The following RMDN1 variants were observed in gnomAD, a reference collection of about 807,000 sequenced individuals.
The protein encoded by RMDN1 is regulator of microtubule dynamics protein 1.
In RMDN1, 48 loss-of-function variants were observed where a neutral mutation model predicts 48.9. That is an observed-to-expected ratio of 0.98 (90% CI 0.78 to 1.25). The LOEUF (loss-of-function observed/expected upper bound fraction) is 1.25. Among genes scored for constraint, RMDN1 ranks in the 50% most tolerant of loss-of-function variants. The pLI, the probability that RMDN1 is intolerant of heterozygous loss-of-function variation, is 0.00. For missense variants in RMDN1, 418 were observed against 373.4 expected, an observed-to-expected ratio of 1.12 and a Z score of -0.98; for synonymous variants, 148 against 132.6, an observed-to-expected ratio of 1.12 and a Z score of -0.80.
rs1812928997 is a variant in RMDN1 at position 86,473,921 on chromosome 8, A to C, written c.*387T>G. ...CACCACACCTTCTCTTCAAGATTTC[A>C]ACTTAGAATCAATCCAATTTGAAAA... On this transcript the variant is annotated 3_prime_UTR_variant, in exon 10 of 10. Transcript: ENST00000406452. The C allele has an allele frequency of 1.0e-6, 1 of 1,004,400 alleles. No individual in the cohort carries two copies. The highest frequency in any genetic ancestry group is 1.2e-6 in the Non-Finnish European group (1 of 842,354). The allele number at this position is 1,004,400 out of a possible 1,614,324, so 62.2% of individuals were successfully genotyped here. A position where few individuals can be genotyped will look rare whatever the true frequency, so the allele number is the denominator to read the frequency against.
In RMDN1 at chr8:86,474,926, A is replaced by G. The variant is rs779137445; in HGVS notation, c.788T>C (p.Leu263Ser). The part of the protein sequence containing the change: ...QVDPNFYSKN[L>S]LLLGKTYLKL... ...CAAGTATGTCTTTCCTAAAAGAAGTAAGTTTTTGCTGTAGAAGTTTGGATC... is the reference window on the plus strand; with the variant it reads ...CAAGTATGTCTTTCCTAAAAGAAGTGAGTTTTTGCTGTAGAAGTTTGGATC... Residue 263 changes from leucine (L) to serine (S), a missense_variant, in exon 9 of 10, where the codon TTA (leucine) becomes TCA (serine). Coordinates refer to ENST00000406452, the MANE Select transcript of RMDN1 (RefSeq NM_016033.3). 7.3e-5 allele frequency: 117 copies of G among 1,610,198 alleles called. 1 individual carries two copies. The highest frequency in any genetic ancestry group is 9.7e-5 in the Non-Finnish European group (114 of 1,178,946).
chr8:86,473,383 C>G lies in RMDN1; in HGVS notation c.*925G>C. ...AAAAACATCTTAGTATTCCATTTCA[C>G]TCTTAAGTTTTGTGTTCCTTCCATT... On this transcript the variant is annotated 3_prime_UTR_variant, in exon 10 of 10. Transcript: ENST00000406452. 3 of 985,418 alleles carry G rather than the reference C, an allele frequency of 3.0e-6. No homozygotes were observed. The highest frequency in any genetic ancestry group is 3.6e-6 in the Non-Finnish European group (3 of 829,936). The allele number at this position is 985,418 out of a possible 1,614,324, so 61.0% of individuals were successfully genotyped here.
chr8:86,504,960 A>G (rs1159068893), intron 2 of RMDN1: 5 of 1,364,804 alleles, frequency 3.7e-6, no homozygotes, highest in Non-Finnish European at 5.2e-6. Flanking sequence ...TGAGGATATC[A>G]CATGGGCCTT....
chr8:86,500,972 A>T (rs1428009475), intron 2 of RMDN1, among the ~76,000 whole-genome samples: 2 of 152,216 alleles, frequency 1.3e-5, no homozygotes, highest in East Asian at 3.9e-4. Flanking sequence ...GCATGTTTTC[A>T]CTTGTTAACT....
In RMDN1 at chr8:86,508,573, T is replaced by C. The variant is rs1363412024; in HGVS notation, c.48A>G (p.Gly16=). Reference sequence around the variant, plus strand: ...CAGGGAGACGAGACCCCGGGGCGGCTCCACGTCGGAAAGGCAGAAGGCGCC... The same window carrying C: ...CAGGGAGACGAGACCCCGGGGCGGCCCCACGTCGGAAAGGCAGAAGGCGCC... ...RLWRLLPFRR[G]AAPGSRLPAG... The change falls in exon 1 of 10, where the codon GGA becomes GGG. Residue 16 remains glycine, a synonymous_variant. Transcript: ENST00000406452. The C allele has an allele frequency of 1.2e-6, 2 of 1,602,980 alleles. No individual in the cohort carries two copies. The highest frequency in any genetic ancestry group is 3.4e-5 in the Admixed American group (2 of 59,280).
chr8:86,501,989 G>A (rs1331166210), intron 2 of RMDN1, among the ~76,000 whole-genome samples: 2 of 150,562 alleles, frequency 1.3e-5, no homozygotes, highest in Non-Finnish European at 2.9e-5. Flanking sequence ...GATAATCACA[G>A]ATAAATGAAA....
chr8:86,504,569 C>A (rs1818963664), intron 2 of RMDN1: 1 of 1,213,272 alleles, frequency 8.2e-7, no homozygotes, highest in Non-Finnish European at 1.2e-6. Context: ...CTGCAAAGGG[C>A]AGGAAGGCGG....
At chr8:86,509,903 CT>C (rs1819956686), upstream of RMDN1, among the ~76,000 whole-genome samples, 1 of 152,112 alleles carries the variant, frequency 6.6e-6, no homozygotes, top group African/African-American at 2.4e-5. Context: ...GACAGAATCA[CT>C]TTTATTTTAT....
At chr8:86,483,627 A>G (rs1327484480) in intron 5 of RMDN1, among the ~76,000 whole-genome samples, 1 of 152,226 alleles carries the variant, frequency 6.6e-6, no homozygotes, top group Non-Finnish European at 1.5e-5. Flanking sequence ...TCCATACCTG[A>G]ACAAGAAAAG....
chr8:86,484,917 G>C lies in RMDN1; in HGVS notation c.540C>G (p.Ile180Met). ...TATATGCATTTGCAATTTTAGCCTT[G>C]ATGCCTTCATAATCTCCAACATCAC... ...CLSDVGDYEG[I>M]KAKIANAYII... Residue 180 changes from isoleucine to methionine, a missense_variant, in exon 5 of 10, where the codon ATC becomes ATG. Physicochemically the swap from Ile to Met is conservative, Grantham distance 10. Coordinates refer to ENST00000406452, the MANE Select transcript of RMDN1 (RefSeq NM_016033.3). 6.2e-7 allele frequency: 1 copy of C among 1,608,002 alleles called. No homozygotes were observed. The highest frequency in any genetic ancestry group is 1.1e-5 in the South Asian group (1 of 90,384).
intron 3 of RMDN1, among the ~76,000 whole-genome samples, chr8:86,486,976 TG>T (rs1298059732): frequency 6.6e-6 from 1 of 152,226 alleles, no homozygotes; most frequent in Non-Finnish European, 1.5e-5. Flanking sequence ...TCACTGGCAC[TG>T]TGTTTCAAAT....
intron 2 of RMDN1, chr8:86,494,855 T>A: frequency 2.7e-6 from 1 of 366,096 alleles, no homozygotes. Context: ...ATGCCTGTAA[T>A]CCCAGCTACT....
intron 4 of RMDN1, 139 bp from the exon 5 acceptor site, chr8:86,485,100 G>T: frequency 1.9e-6 from 1 of 529,576 alleles, no homozygotes; most frequent in Non-Finnish European, 3.3e-6. Flanking sequence ...TAAATGTAAT[G>T]GAATATATAA....
At chr8:86,505,044 A>G in intron 2 of RMDN1, 1 of 1,463,210 alleles carries the variant, frequency 6.8e-7, no homozygotes, top group South Asian at 1.2e-5. Context: ...CCAGGCTGCT[A>G]AGGAGACCAC....
In RMDN1 at chr8:86,508,604, C is replaced by G. The variant is rs146595616; in HGVS notation, c.17G>C (p.Arg6Pro). 1.6e-5 allele frequency: 25 copies of G among 1,603,366 alleles called. No individual in the cohort carries two copies. The highest frequency in any genetic ancestry group is 1.7e-4 in the Middle Eastern group (1 of 5,964). The part of the protein sequence containing the change: MALAA[R>P]LWRLLPFRRG... Reference sequence around the variant, plus strand: ...TCGGAAAGGCAGAAGGCGCCACAGTCGAGCAGCCAGCGCCATGACCTGCAA... The same window carrying G: ...TCGGAAAGGCAGAAGGCGCCACAGTGGAGCAGCCAGCGCCATGACCTGCAA... Residue 6 changes from arginine (R) to proline (P), a missense_variant, in exon 1 of 10, where the codon CGA becomes CCA. Transcript: ENST00000406452.
chr8:86,474,970 A>T lies in RMDN1; in HGVS notation c.761-17T>A, dbSNP rs1333483747. On this transcript the variant is annotated splice_polypyrimidine_tract_variant and intron_variant, in intron 8 of 9. Transcript: ENST00000406452. Reference sequence around the variant, plus strand: ...TTGGATCCACTGCACATAAGAAAGAAAAAATGATCTCAGAGGAAACAGTGT... The same window carrying T: ...TTGGATCCACTGCACATAAGAAAGATAAAATGATCTCAGAGGAAACAGTGT... 1 of 1,576,782 alleles carries T rather than the reference A, an allele frequency of 6.3e-7. No individual in the cohort carries two copies.
At chr8:86,487,973 A>C (rs1815770657) in intron 3 of RMDN1, among the ~76,000 whole-genome samples, 1 of 138,398 alleles carries the variant, frequency 7.2e-6, no homozygotes, top group Non-Finnish European at 1.6e-5. Flanking sequence ...TAGAAATGCT[A>C]TTTAGCCATA....
At chr8:86,503,210 G>A (rs966226682) in intron 2 of RMDN1, among the ~76,000 whole-genome samples, 1 of 151,774 alleles carries the variant, frequency 6.6e-6, no homozygotes, top group Non-Finnish European at 1.5e-5. Context: ...AAATTAGCTA[G>A]GTATGGTGAT....
chr8:86,510,489 A>G (rs554910784), upstream of RMDN1, among the ~76,000 whole-genome samples: 5 of 152,280 alleles, frequency 3.3e-5, no homozygotes, highest in African/African-American at 9.6e-5. Context: ...TTTTAAATGT[A>G]TAGTCCCATC....
Sources: allele counts gnomAD v4.1 joint callset (sites outside exome capture counted in the v4.1 genomes callset), GRCh38; gene constraint gnomAD v4.1.1; transcripts MANE v1.5; gene names NCBI Gene and HGNC (gene_info 2026-07-23, HGNC 2026-07-21).